The following ZEB2 variants were observed in gnomAD, a reference collection of about 807,000 sequenced individuals.
The protein encoded by ZEB2 is zinc finger E-box-binding homeobox 2.
In ZEB2, 6 loss-of-function variants were observed where a neutral mutation model predicts 99.9. The observed-to-expected ratio is 0.06, with a 90% CI of 0.03 to 0.12. The LOEUF is 0.12. ZEB2 is among the 10% of genes least tolerant of loss of function. The pLI is 1.00. For synonymous variants in ZEB2, 517 were observed against 542.5 expected (o/e 0.95, Z 0.65); for missense variants, 969 against 1,502.8 (o/e 0.64, Z 5.87).
At chr2:144,411,517 A>G (rs980067663) in intron 4 of ZEB2, among the ~76,000 whole-genome samples, 21 of 152,210 alleles carry the variant, frequency 1.4e-4, no homozygotes, top group Admixed American at 1.1e-3. Flanking sequence ...TCCAAAAGAC[A>G]TATTGGCACT....
intron 2 of ZEB2, among the ~76,000 whole-genome samples, chr2:144,450,958 A>T (rs1704047551): frequency 6.6e-6 from 1 of 152,184 alleles, no homozygotes; most frequent in South Asian, 2.1e-4. Flanking sequence ...GATTACAGGC[A>T]TGAGCCACTG....
At chr2:144,411,154 C>T (rs930033) in intron 4 of ZEB2, among the ~76,000 whole-genome samples, 3,512 of 128,498 alleles carry the variant, frequency 0.027, 83 homozygotes, top group Non-Finnish European at 0.04. Flanking sequence ...ACACACGCTT[C>T]CCCAGTGTAA....
chr2:144,492,776 G>C (rs1448578409), intron 2 of ZEB2, among the ~76,000 whole-genome samples: 3 of 152,200 alleles, frequency 2.0e-5, no homozygotes, highest in African/African-American at 7.2e-5. Context: ...ATTTCAAAAA[G>C]TTATTAATAT....
intron 2 of ZEB2, among the ~76,000 whole-genome samples, chr2:144,458,658 C>G (rs1360301759): frequency 1.3e-5 from 2 of 151,994 alleles, no homozygotes; most frequent in Non-Finnish European, 2.9e-5. Context: ...AGTAGGCAGC[C>G]CTTGAAAGAT....
intron 2 of ZEB2, among the ~76,000 whole-genome samples, chr2:144,447,008 A>G (rs1246509709): frequency 9.0e-5 from 13 of 144,974 alleles, no homozygotes; most frequent in African/African-American, 3.1e-4. Flanking sequence ...AGAGTGAGAC[A>G]CTGTTTCAAA....
At chr2:144,486,958 A>G (rs961638593) in intron 2 of ZEB2, among the ~76,000 whole-genome samples, 1 of 152,156 alleles carries the variant, frequency 6.6e-6, no homozygotes, top group Non-Finnish European at 1.5e-5. Flanking sequence ...TGTATTGGTG[A>G]TGGTATTATT....
rs753725866 is a variant in ZEB2, at chr2:144,424,376, G to GA, written c.403+419dup. On this transcript the variant is annotated intron_variant, in intron 4 of 9. Transcript: ENST00000627532. ...AATGTTCGTGGAAATTTGTCTTTCT[G>GA]AAAAAAAAATTTTACAGTCTAAATT... 7.2e-5 allele frequency: 37 copies of GA among 515,394 alleles called. 1 individual carries two copies. Among genetic ancestry groups the GA allele is most frequent in the Middle Eastern group, 6.4e-4 (2 of 3,114 alleles). The allele number at this position is 515,394 out of a possible 1,614,324, so 31.9% of individuals were successfully genotyped here.
chr2:144,388,899 A>G lies in ZEB2; in HGVS notation c.*552T>C. 1 of 459,908 alleles carries G rather than the reference A, an allele frequency of 2.2e-6. No homozygotes were observed. The highest frequency in any genetic ancestry group is 4.4e-6 in the Non-Finnish European group (1 of 225,864). 28.5% of individuals were successfully genotyped at this position (459,908 alleles called of 1,614,324 possible). A position where few individuals can be genotyped will look rare whatever the true frequency, so the allele number is the denominator to read the frequency against. On this transcript the variant is annotated 3_prime_UTR_variant, in exon 10 of 10. Coordinates refer to ENST00000627532, the MANE Select transcript of ZEB2 (RefSeq NM_014795.4). The surrounding 1 kb of genome is among the most constrained non-coding windows in gnomAD (Gnocchi z 5.4). ...TTCAAGTTCCTTCACAGAAAAAAAA[A>G]AAAATTGAGGCCTAAAATTGTGTGG... is the stretch of plus-strand genomic sequence containing the variant.
chr2:144,485,935 T>C (rs958873035), intron 2 of ZEB2, among the ~76,000 whole-genome samples: 1 of 152,312 alleles, frequency 6.6e-6, no homozygotes, highest in South Asian at 2.1e-4. Flanking sequence ...TTCCTTTTCT[T>C]CTTAGCTTAA....
chr2:144,394,343 G>C (rs897363083), intron 9 of ZEB2: 5 of 152,136 alleles, frequency 3.3e-5, no homozygotes, highest in African/African-American at 7.2e-5. Context: ...ATATTGACTG[G>C]ATGTCAATGT....
intron 2 of ZEB2, among the ~76,000 whole-genome samples, chr2:144,436,895 A>AT (rs1419908638): frequency 6.6e-6 from 1 of 152,182 alleles, no homozygotes; most frequent in Non-Finnish European, 1.5e-5. Flanking sequence ...AAGACACGGT[A>AT]TTTCTAGGTC....
intron 4 of ZEB2, among the ~76,000 whole-genome samples, chr2:144,411,121 TATAC>T (rs1338630355): frequency 2.8e-5 from 3 of 106,678 alleles, no homozygotes; most frequent in Non-Finnish European, 5.7e-5. Context: ...GCATCTCATA[TATAC>T]ACACACACAC....
chr2:144,393,651 T>C (rs1485346774), intron 9 of ZEB2, among the ~76,000 whole-genome samples: 3 of 152,098 alleles, frequency 2.0e-5, no homozygotes, highest in South Asian at 2.1e-4. Flanking sequence ...ATCACATCAA[T>C]AGAAAATCCA....
At chr2:144,445,842 C>T (rs900583117) in intron 2 of ZEB2, among the ~76,000 whole-genome samples, 1 of 152,166 alleles carries the variant, frequency 6.6e-6, no homozygotes, top group African/African-American at 2.4e-5. Flanking sequence ...GGACTTTCCA[C>T]TTTGGGGAAT....
chr2:144,401,469 G>A (rs184918525), intron 6 of ZEB2, among the ~76,000 whole-genome samples, 162 bp from the exon 7 acceptor site: 6 of 152,326 alleles, frequency 3.9e-5, no homozygotes, highest in Admixed American at 3.3e-4. Flanking sequence ...AAGTGATAAT[G>A]TTGGTAATAA....
At chr2:144,491,034 C>G (rs546881156) in intron 2 of ZEB2, among the ~76,000 whole-genome samples, 4 of 152,210 alleles carry the variant, frequency 2.6e-5, no homozygotes, top group African/African-American at 7.2e-5. Flanking sequence ...GAGGACTCCC[C>G]GAGTACGCAT....
chr2:144,477,491 T>A (rs1218666196), intron 2 of ZEB2, among the ~76,000 whole-genome samples: 7 of 152,228 alleles, frequency 4.6e-5, no homozygotes, highest in Non-Finnish European at 1.0e-4. Flanking sequence ...CCTATAATTC[T>A]TCAAAGCCAC....
chr2:144,431,676 G>A (rs549368973), intron 2 of ZEB2, among the ~76,000 whole-genome samples: 1 of 151,944 alleles, frequency 6.6e-6, no homozygotes, highest in East Asian at 1.9e-4. Flanking sequence ...TACAAAAAGA[G>A]AGATATTCTA....
intron 4 of ZEB2, among the ~76,000 whole-genome samples, chr2:144,406,569 C>A (rs778136587): frequency 3.3e-5 from 5 of 151,812 alleles, no homozygotes; most frequent in Admixed American, 6.6e-5. Context: ...TGGGACATCT[C>A]AGGATGTTAA....
Sources: allele counts gnomAD v4.1 joint callset (sites outside exome capture counted in the v4.1 genomes callset), GRCh38; gene constraint gnomAD v4.1.1; non-coding constraint Gnocchi (gnomAD v3.1); transcripts MANE v1.5; gene names NCBI Gene and HGNC (gene_info 2026-07-23, HGNC 2026-07-21).